CSPG5: variants seen among roughly 807,000 people sequenced by gnomAD.
CSPG5 encodes the protein chondroitin sulfate proteoglycan 5, also known as acidic leucine-rich EGF-like domain-containing brain protein.
A neutral mutation model predicts 39.8 loss-of-function variants in CSPG5; 25 were observed. The observed-to-expected ratio is 0.63, with a 90% CI of 0.46 to 0.88. The LOEUF (loss-of-function observed/expected upper bound fraction) is 0.88, where lower values mean the gene tolerates loss of function less well. CSPG5 is among the 40% of genes least tolerant of loss of function. The pLI is 0.00. For synonymous variants in CSPG5, 295 were observed against 303.9 expected, an observed-to-expected ratio of 0.97 and a Z score of 0.31; for missense variants, 627 against 702.2, an observed-to-expected ratio of 0.89 and a Z score of 1.21.
In CSPG5 at chr3:47,577,319, T is replaced by C; in HGVS notation, c.707A>G (p.Glu236Gly). The C allele has an allele frequency of 6.2e-7, 1 of 1,613,918 alleles. No individual in the cohort carries two copies. Among genetic ancestry groups the C allele is most frequent in the Non-Finnish European group, 8.5e-7 (1 of 1,179,888 alleles). Residue 236 changes from glutamate to glycine, a missense_variant, in exon 2 of 5, where the codon GAG (glutamate) becomes GGG (glycine). Transcript: ENST00000264723. This position sits in a 1 kb window ranked among gnomAD's most constrained non-coding sequence, Gnocchi z 4.7. ...GSFPGSPGTS[E>G]NHPDTEGETP... ...CTCTCCCTCAGTATCAGGGTGGTTC[T>C]CTGAGGTTCCTGGTGACCCTGGGAA...
intron 4 of CSPG5, among the ~76,000 whole-genome samples, chr3:47,565,723 T>C (rs952667618): frequency 6.7e-6 from 1 of 149,930 alleles, no homozygotes; most frequent in African/African-American, 2.5e-5. Context: ...GGAGAAATCC[T>C]AGGAATAAAC....
intron 4 of CSPG5, among the ~76,000 whole-genome samples, chr3:47,565,791 G>A (rs1206050547): frequency 3.3e-5 from 5 of 152,150 alleles, no homozygotes; most frequent in Non-Finnish European, 7.4e-5. Context: ...CCATGGTCTC[G>A]ACAGCACCGT....
In CSPG5 at chr3:47,577,748, G is replaced by A; in HGVS notation, c.278C>T (p.Ala93Val). The change falls in exon 2 of 5, where the codon GCT becomes GTT. Residue 93 changes from alanine to valine, a missense_variant. Physicochemically the swap from Ala to Val is moderately conservative, Grantham distance 64 (BLOSUM62 0). Coordinates refer to ENST00000264723, the MANE Select transcript of CSPG5 (RefSeq NM_006574.4). This position sits in a 1 kb window ranked among gnomAD's most constrained non-coding sequence, Gnocchi z 4.7. ...AGPEEVLQES[A>V]AVTGTAWLEA... ...CAGCCAGGCGGTGCCGGTCACCGCA[G>A]CCGACTCCTGCAGCACCTCTTCTGG... 1 of 1,584,866 alleles carries A rather than the reference G, an allele frequency of 6.3e-7. No homozygotes were observed. The highest frequency in any genetic ancestry group is 8.5e-7 in the Non-Finnish European group (1 of 1,171,534).
intron 2 of CSPG5, among the ~76,000 whole-genome samples, chr3:47,575,929 CTTTTTTTTTTTT>C (rs370578310): frequency 4.0e-5 from 4 of 99,626 alleles, no homozygotes; most frequent in South Asian, 3.7e-4. Flanking sequence ...TTCATTTTGC[CTTTTTTTTTTTT>C]TTTTTTTTTT....
At chr3:47,563,328 T>A (rs1289311427) in intron 4 of CSPG5, among the ~76,000 whole-genome samples, 1 of 152,184 alleles carries the variant, frequency 6.6e-6, no homozygotes, top group Non-Finnish European at 1.5e-5. Context: ...TTGTCACAAG[T>A]GAACCTGCTA....
Position 47,562,604 on chromosome 3 carries a change from G to A in CSPG5, c.1616C>T (p.Thr539Ile), listed in dbSNP as rs2031126192. 1 of 1,612,954 alleles carries A rather than the reference G, an allele frequency of 6.2e-7. No individual in the cohort carries two copies. The highest frequency in any genetic ancestry group is 1.7e-5 in the Admixed American group (1 of 59,886). Residue 539 changes from threonine to isoleucine, a missense_variant, in exon 5 of 5, where the codon ACC (threonine) becomes ATC (isoleucine). Transcript: ENST00000264723. ...LDVNCLQNNL[T>I] Reference sequence around the variant, plus strand: ...TTCCTCTCTTCTTGCTCTGCTTTAGGTTAAATTATTCTGAAGACAGTTCAC... The same window carrying A: ...TTCCTCTCTTCTTGCTCTGCTTTAGATTAAATTATTCTGAAGACAGTTCAC...
chr3:47,568,751 C>T (rs2031406059), intron 4 of CSPG5, among the ~76,000 whole-genome samples: 1 of 152,190 alleles, frequency 6.6e-6, no homozygotes, highest in Non-Finnish European at 1.5e-5. Context: ...GCAGGTGGCT[C>T]ACACCTATAA....
At position 47,577,260 on chromosome 3, in the gene CSPG5, C is replaced by A; in HGVS notation, c.766G>T (p.Asp256Tyr). ...TCAGATTCATCGAAGGGGGTGAAAT[C>A]ATCGTATAAGTCAAGCAGGCTCCAG... The part of the protein sequence containing the change: ...PSWSLLDLYD[D>Y]FTPFDESDFY... The change falls in exon 2 of 5, where the codon GAT becomes TAT. Residue 256 changes from aspartate (D) to tyrosine (Y), a missense_variant. Physicochemically the swap from Asp to Tyr is radical, Grantham distance 160. Transcript: ENST00000264723. This position sits in a 1 kb window ranked among gnomAD's most constrained non-coding sequence, Gnocchi z 4.7. 1 of 1,612,260 alleles carries A rather than the reference C, an allele frequency of 6.2e-7. No homozygotes were observed. Among genetic ancestry groups the A allele is most frequent in the Non-Finnish European group, 8.5e-7 (1 of 1,179,154 alleles).
intron 2 of CSPG5, among the ~76,000 whole-genome samples, chr3:47,573,482 C>A (rs1270767787): frequency 6.6e-6 from 1 of 152,188 alleles, no homozygotes; most frequent in Non-Finnish European, 1.5e-5. Context: ...AGCTCCCTAT[C>A]CTAGTACTAT....
rs980655200 is a variant in CSPG5, at chr3:47,562,522, G to C, written c.*78C>G. ...GTTTAACAAATGGTTACAAGAAATA[G>C]ACTCTGTACAAGAGGAGATAATGTT... On this transcript the variant is annotated 3_prime_UTR_variant, in exon 5 of 5. Coordinates refer to ENST00000264723, the MANE Select transcript of CSPG5 (RefSeq NM_006574.4). 1.2e-5 allele frequency: 16 copies of C among 1,301,240 alleles called. No individual in the cohort carries two copies. The highest frequency in any genetic ancestry group is 1.5e-5 in the African/African-American group (1 of 67,338). 80.6% of individuals were successfully genotyped at this position (1,301,240 alleles called of 1,614,324 possible). A position where few individuals can be genotyped will look rare whatever the true frequency, so the allele number is the denominator to read the frequency against.
chr3:47,569,170 G>C lies in CSPG5; in HGVS notation c.1440C>G (p.Ala480=). 1 of 1,612,214 alleles carries C rather than the reference G, an allele frequency of 6.2e-7. No individual in the cohort carries two copies. The highest frequency in any genetic ancestry group is 8.5e-7 in the Non-Finnish European group (1 of 1,179,116). The change falls in exon 4 of 5, where the codon GCC becomes GCG. Residue 480 remains alanine, a synonymous_variant. Coordinates refer to ENST00000264723, the MANE Select transcript of CSPG5 (RefSeq NM_006574.4). ...HNDNFSLSTI[A]EGSHPNDDPS... ...TCCTTACATTTGGGTGAGAGCCCTC[G>C]GCAATGGTGGAGAGGGAGAAGTTAT...
rs116232180 is a variant in CSPG5, at chr3:47,562,596, T to C, written c.*4A>G. On this transcript the variant is annotated 3_prime_UTR_variant, in exon 5 of 5. Coordinates refer to ENST00000264723, the MANE Select transcript of CSPG5 (RefSeq NM_006574.4). ...ACCCCCGCTTCCTCTCTTCTTGCTC[T>C]GCTTTAGGTTAAATTATTCTGAAGA... 0.055 allele frequency: 87,609 copies of C among 1,601,360 alleles called. 2,952 individuals carry two copies. Among genetic ancestry groups the C allele is most frequent in the Non-Finnish European group, 0.065 (75,823 of 1,172,886 alleles).
At chr3:47,570,474 C>T (rs1376326439) in intron 3 of CSPG5, among the ~76,000 whole-genome samples, 1 of 151,972 alleles carries the variant, frequency 6.6e-6, no homozygotes, top group Non-Finnish European at 1.5e-5. Flanking sequence ...AACACTTCCA[C>T]CACTTAAACC....
In CSPG5 at chr3:47,572,874, C is replaced by A. The variant is rs2031577725; in HGVS notation, c.1194G>T (p.Arg398Ser). The A allele has an allele frequency of 4.4e-6, 7 of 1,602,476 alleles. No homozygotes were observed. The highest frequency in any genetic ancestry group is 2.7e-5 in the African/African-American group (2 of 74,610). Residue 398 changes from arginine to serine, a missense_variant and splice_region_variant, in exon 3 of 5, where the codon AGG becomes AGT. Coordinates refer to ENST00000264723, the MANE Select transcript of CSPG5 (RefSeq NM_006574.4). This position sits in a 1 kb window ranked among gnomAD's most constrained non-coding sequence, Gnocchi z 4.5. Reference sequence around the variant, plus strand: ...GCCAGATGTAGTCCTGCGTGTTGCACCTGCAGCAGCGACATTGAGAAACCG... The same window carrying A: ...GCCAGATGTAGTCCTGCGTGTTGCAACTGCAGCAGCGACATTGAGAAACCG... ...YLVENIGAFC[R>S]CNTQDYIWHK...
chr3:47,577,867 C>T lies in CSPG5; in HGVS notation c.159G>A (p.Glu53=). ...CTTCCCGCGTGTCGTTGGCAGGCGG[C>T]TCCCACGCCGGGCTGCCCTTCACCA... ...EELVKGSPAW[E]PPANDTREEA... is the part of the protein sequence containing the mutation. The change falls in exon 2 of 5, where the codon GAG becomes GAA. Residue 53 remains glutamate, a synonymous_variant. Coordinates refer to ENST00000264723, the MANE Select transcript of CSPG5 (RefSeq NM_006574.4). The surrounding 1 kb of genome is among the most constrained non-coding windows in gnomAD (Gnocchi z 4.7). 6.5e-7 allele frequency: 1 copy of T among 1,528,118 alleles called. No homozygotes were observed. Among genetic ancestry groups the T allele is most frequent in the Non-Finnish European group, 8.7e-7 (1 of 1,149,554 alleles). 94.7% of individuals were successfully genotyped at this position (1,528,118 alleles called of 1,614,324 possible). A position where few individuals can be genotyped will look rare whatever the true frequency, so the allele number is the denominator to read the frequency against.
In CSPG5 at chr3:47,572,954, C is replaced by A. The variant is rs950245112; in HGVS notation, c.1194-80G>T. ...GTAAGGGCCTGGGCCCTGACCCCAA[C>A]ACCTATCTCCACAGCCTGTTCCGAA... On this transcript the variant is annotated intron_variant, in intron 2 of 4. Coordinates refer to ENST00000264723, the MANE Select transcript of CSPG5 (RefSeq NM_006574.4). The surrounding 1 kb of genome is among the most constrained non-coding windows in gnomAD (Gnocchi z 4.5). 18 of 1,178,512 alleles carry A rather than the reference C, an allele frequency of 1.5e-5. No homozygotes were observed. In the Admixed American group the frequency reaches 3.2e-4, roughly 21 times the overall value. The allele number at this position is 1,178,512 out of a possible 1,614,324, so 73.0% of individuals were successfully genotyped here.
chr3:47,566,459 G>A (rs537889780), intron 4 of CSPG5, among the ~76,000 whole-genome samples: 43 of 152,254 alleles, frequency 2.8e-4, no homozygotes, highest in African/African-American at 1.0e-3. Flanking sequence ...CGTGTTCATC[G>A]GCAATGCCCA....
intron 3 of CSPG5, among the ~76,000 whole-genome samples, chr3:47,570,916 A>T (rs1269149767): frequency 1.3e-5 from 2 of 152,150 alleles, no homozygotes; most frequent in Non-Finnish European, 2.9e-5. Context: ...CATGCCAGGG[A>T]ATTACAACTA....
chr3:47,578,569 C>CG lies in CSPG5; in HGVS notation c.97+27dup. 1 of 921,300 alleles carries CG rather than the reference C, an allele frequency of 1.1e-6. No individual in the cohort carries two copies. The highest frequency in any genetic ancestry group is 1.4e-6 in the Non-Finnish European group (1 of 725,518). The allele number at this position is 921,300 out of a possible 1,614,324, so 57.1% of individuals were successfully genotyped here. The stretch of plus-strand genomic sequence containing the variant: ...TGCCCTGGGTGGGGCACGAGGGCCG[C>CG]GGGGGTCCCGGGCGCAGTCATACCT... On this transcript the variant is annotated intron_variant, in intron 1 of 4. Coordinates refer to ENST00000264723, the MANE Select transcript of CSPG5 (RefSeq NM_006574.4). This position sits in a 1 kb window ranked among gnomAD's most constrained non-coding sequence, Gnocchi z 6.0.
Sources: gnomAD v4.1 joint callset for allele counts (sites outside exome capture counted in the v4.1 genomes callset) on GRCh38, gnomAD v4.1.1 for gene constraint, Gnocchi (gnomAD v3.1) non-coding constraint, MANE v1.5 for transcripts, NCBI Gene and HGNC (gene_info 2026-07-23, HGNC 2026-07-21) for gene names.